Variants in CEP135 observed in about 807,000 individuals in gnomAD.
The protein encoded by CEP135 is centrosomal protein 135.
A neutral mutation model predicts 157.3 loss-of-function variants in CEP135; 142 were observed. The ratio of observed to expected loss-of-function variants is 0.90; its 90% CI spans 0.79 to 1.04. The LOEUF is 1.04. Ranked by LOEUF, CEP135 falls within the 50% of genes least tolerant of loss-of-function variation. The pLI is 0.00. For synonymous variants in CEP135, 396 were observed against 439.8 expected, an observed-to-expected ratio of 0.90 and a Z score of 1.25; for missense variants, 1,317 against 1,309.2, an observed-to-expected ratio of 1.01 and a Z score of -0.09.
At chr4:56,027,195 T>C (rs1011568212) in intron 25 of CEP135, among the ~76,000 whole-genome samples, 2 of 152,254 alleles carry the variant, frequency 1.3e-5, no homozygotes, top group Non-Finnish European at 2.9e-5. Flanking sequence ...TGGTTCACCT[T>C]CTTGTTACAA....
chr4:55,964,922 A>T (rs949340493), intron 7 of CEP135: 2 of 151,988 alleles, frequency 1.3e-5, no homozygotes, highest in Non-Finnish European at 2.9e-5. Context: ...CATGCATTTG[A>T]CCTAAGGCTG....
Position 56,032,931 on chromosome 4 carries a change from A to T in CEP135, c.*1583A>T, listed in dbSNP as rs552214438. ...CTAATATGGCTTATATATCTGAATT[A>T]TGCCCTTTTTAGTGTGTATTAGGAT... On this transcript the variant is annotated 3_prime_UTR_variant, in exon 26 of 26. Coordinates refer to ENST00000257287, the MANE Select transcript of CEP135 (RefSeq NM_025009.5). 5.6e-4 allele frequency: 85 copies of T among 151,856 alleles called. No homozygotes were observed. The highest frequency in any genetic ancestry group is 1.9e-3 in the African/African-American group (80 of 41,398). 9.4% of individuals were successfully genotyped at this position (151,856 alleles called of 1,614,324 possible). A position where few individuals can be genotyped will look rare whatever the true frequency, so the allele number is the denominator to read the frequency against.
intron 14 of CEP135, among the ~76,000 whole-genome samples, chr4:55,989,534 G>A (rs1335423609): frequency 6.6e-6 from 1 of 151,842 alleles, no homozygotes; most frequent in Non-Finnish European, 1.5e-5. Flanking sequence ...TGATAAATAG[G>A]ACCACATTGG....
At chr4:55,957,473 T>A in intron 5 of CEP135, 109 bp downstream of exon 5, 3 of 971,744 alleles carry the variant, frequency 3.1e-6, no homozygotes, top group South Asian at 1.9e-5. Flanking sequence ...CTCCAGTGTC[T>A]AGCACAGAAC....
At chr4:55,985,211 A>G in intron 13 of CEP135, 70 bp from the exon 14 acceptor site, 2 of 757,888 alleles carry the variant, frequency 2.6e-6, no homozygotes, top group South Asian at 1.7e-5. Flanking sequence ...GTAGACTTAC[A>G]TTGCTTACTG....
intron 15 of CEP135, among the ~76,000 whole-genome samples, chr4:55,997,023 C>G (rs1390178496): frequency 1.3e-5 from 2 of 152,192 alleles, no homozygotes; most frequent in Non-Finnish European, 2.9e-5. Flanking sequence ...GCTTCACTCT[C>G]TGGTGAGAAG....
At chr4:56,024,081 TTAG>T (rs1334778792) in intron 24 of CEP135, among the ~76,000 whole-genome samples, 2 of 143,926 alleles carry the variant, frequency 1.4e-5, no homozygotes, top group Non-Finnish European at 3.0e-5. Flanking sequence ...TATTATATAA[TTAG>T]TATATTAGTA....
intron 14 of CEP135, 92 bp downstream of exon 14, chr4:55,985,450 T>A (rs917240795): frequency 9.7e-5 from 41 of 421,416 alleles, no homozygotes; most frequent in South Asian, 2.4e-4. Context: ...ATTTTAATTT[T>A]ATTTTTATTT....
Position 56,032,551 on chromosome 4 carries a change from T to G in CEP135, c.*1203T>G, listed in dbSNP as rs1230941590. On this transcript the variant is annotated 3_prime_UTR_variant, in exon 26 of 26. Coordinates refer to ENST00000257287, the MANE Select transcript of CEP135 (RefSeq NM_025009.5). ...CTCTTTTTCTTCTAAGCCTGTGTGT[T>G]ATAATTTACCAGTTCCCCAAAATGC... 6.6e-6 allele frequency: 1 copy of G among 152,194 alleles called. No individual in the cohort carries two copies. The highest frequency in any genetic ancestry group is 2.4e-5 in the African/African-American group (1 of 41,456). 9.4% of individuals were successfully genotyped at this position (152,194 alleles called of 1,614,324 possible).
rs33966652 is a variant in CEP135 at position 56,018,974 on chromosome 4, CT to C, written c.3013-376del. 6.4e-3 allele frequency among the ~76,000 whole-genome samples: 977 copies of C among 152,142 alleles called. 12 individuals are homozygous for C. The highest frequency in any genetic ancestry group is 0.023 in the African/African-American group (940 of 41,494). Reference sequence around the variant, plus strand: ...TCAATTTTCACTCATCTAGTAGTATCTTTATTTTCAGGTACTGAGAAACTAT... The same window carrying C: ...TCAATTTTCACTCATCTAGTAGTATCTTATTTTCAGGTACTGAGAAACTAT... On this transcript the variant is annotated intron_variant, in intron 22 of 25. Transcript: ENST00000257287.
chr4:56,004,986 T>C (rs1249182614), intron 17 of CEP135, among the ~76,000 whole-genome samples: 1 of 150,670 alleles, frequency 6.6e-6, no homozygotes. Flanking sequence ...CTTTCTTCCC[T>C]TTTTATTGTC....
At chr4:56,009,649 A>C (rs544727937) in intron 18 of CEP135, 86 bp from the exon 19 acceptor site, 1 of 1,171,988 alleles carries the variant, frequency 8.5e-7, no homozygotes, top group Non-Finnish European at 1.2e-6. Flanking sequence ...TTGTATTCTA[A>C]GTATACTTAG....
intron 11 of CEP135, 43 bp from the exon 12 acceptor site, chr4:55,980,100 C>A: frequency 6.7e-7 from 1 of 1,488,036 alleles, no homozygotes. Context: ...CTTGTGACAA[C>A]CATGTGGTGA....
rs1283055155 is a variant in CEP135 at position 56,032,820 on chromosome 4, G to A, written c.*1472G>A. The A allele has an allele frequency of 1.3e-5, 2 of 151,162 alleles. No individual in the cohort carries two copies. The highest frequency in any genetic ancestry group is 4.9e-5 in the African/African-American group (2 of 40,988). 9.4% of individuals were successfully genotyped at this position (151,162 alleles called of 1,614,324 possible). On this transcript the variant is annotated 3_prime_UTR_variant, in exon 26 of 26. Coordinates refer to ENST00000257287, the MANE Select transcript of CEP135 (RefSeq NM_025009.5). ...TGATCAGTTACTTATGATATATTTT[G>A]TTTCCTCTTGTGGTTTAATAAAGTG...
chr4:55,956,204 C>G (rs1278421577), intron 4 of CEP135, among the ~76,000 whole-genome samples: 1 of 151,460 alleles, frequency 6.6e-6, no homozygotes, highest in Non-Finnish European at 1.5e-5. Flanking sequence ...TATACTCCTA[C>G]CTCTGTAGGA....
At chr4:56,000,262 A>C (rs1730120101) in intron 17 of CEP135, among the ~76,000 whole-genome samples, 1 of 152,192 alleles carries the variant, frequency 6.6e-6, no homozygotes, top group Non-Finnish European at 1.5e-5. Context: ...TTTGGGTTAC[A>C]CATGGTAATT....
intron 15 of CEP135, among the ~76,000 whole-genome samples, chr4:55,993,276 A>G (rs913531780): frequency 2.0e-4 from 30 of 152,232 alleles, no homozygotes; most frequent in South Asian, 4.1e-4. Flanking sequence ...TCACAAAAGT[A>G]TATAGTAAAC....
rs1431450534 is a variant in CEP135 at position 55,991,927 on chromosome 4, A to T, written c.1858-7A>T. 2 of 1,386,902 alleles carry T rather than the reference A, an allele frequency of 1.4e-6. No homozygotes were observed. Among genetic ancestry groups the T allele is most frequent in the Admixed American group, 2.3e-5 (1 of 43,214 alleles). The allele number at this position is 1,386,902 out of a possible 1,614,324, so 85.9% of individuals were successfully genotyped here. On this transcript the variant is annotated splice_region_variant and splice_polypyrimidine_tract_variant and intron_variant, in intron 14 of 25. Transcript: ENST00000257287. ...ATATACCTACTGTTTTTTTATTTAA[A>T]TTATAGCTTGAAAGCGAAAAATATG...
At chr4:56,024,389 G>A in intron 24 of CEP135, 112 bp from the exon 25 acceptor site, 2 of 653,138 alleles carry the variant, frequency 3.1e-6, no homozygotes, top group South Asian at 4.4e-5. Flanking sequence ...AAATTTAATA[G>A]TAATACTAAG....
Sources: allele counts gnomAD v4.1 joint callset (sites outside exome capture counted in the v4.1 genomes callset), GRCh38; gene constraint gnomAD v4.1.1; transcripts MANE v1.5; gene names NCBI Gene and HGNC (gene_info 2026-07-23, HGNC 2026-07-21).